SOX5: variants seen among roughly 807,000 people sequenced by gnomAD.
The protein encoded by SOX5 is SRY-box transcription factor 5, also known as transcription factor SOX-5.
In SOX5, 9 loss-of-function variants were observed where a neutral mutation model predicts 92.0. That is an observed-to-expected ratio of 0.10 (90% CI 0.06 to 0.17). SOX5 has a LOEUF of 0.17. Among genes scored for constraint, SOX5 ranks in the 10% least tolerant of loss-of-function variants. The pLI is 1.00. For missense variants in SOX5, 642 were observed against 944.5 expected (o/e 0.68, Z 4.20); for synonymous variants, 344 against 336.3 (o/e 1.02, Z -0.25).
chr12:23,821,362 A>G (rs1227627423), intron 3 of SOX5, among the ~76,000 whole-genome samples: 1 of 152,216 alleles, frequency 6.6e-6, no homozygotes, highest in African/African-American at 2.4e-5. Context: ...CAATCATGCA[A>G]TCTGCAAACA....
At chr12:23,815,172 C>T (rs188892928) in intron 3 of SOX5, among the ~76,000 whole-genome samples, 1 of 152,112 alleles carries the variant, frequency 6.6e-6, no homozygotes, top group East Asian at 1.9e-4. Flanking sequence ...GCATGCAGGT[C>T]AGTTACCAGC....
chr12:23,640,759 TG>T, intron 8 of SOX5, 52 bp downstream of exon 8: 1 of 1,260,934 alleles, frequency 7.9e-7, no homozygotes, highest in African/African-American at 1.5e-5. Flanking sequence ...CCATAATAGC[TG>T]TTTTCGATAT....
In SOX5 at chr12:23,651,550, T is replaced by C. The variant is rs1264467196; in HGVS notation, c.932-10653A>G. Among the ~76,000 whole-genome samples, 4 of 152,056 alleles carry C rather than the reference T, an allele frequency of 2.6e-5. No homozygotes were observed. The East Asian group carries it at 7.7e-4, about 29-fold the overall frequency. ...TACAATCCTTGCCTTCAAAACACTT[T>C]CAGTTATGAAAATAAGACATATAAA... On this transcript the variant is annotated intron_variant, in intron 7 of 14. Coordinates refer to ENST00000451604, the MANE Select transcript of SOX5 (RefSeq NM_006940.6).
intron 4 of SOX5, among the ~76,000 whole-genome samples, chr12:23,971,679 G>C: frequency 6.6e-6 from 1 of 151,938 alleles, no homozygotes; most frequent in Non-Finnish European, 1.5e-5. Context: ...ATTTTGAAGA[G>C]AATAATTCTC....
chr12:23,804,651 G>A lies in SOX5; in HGVS notation c.481+41332C>T, dbSNP rs145575108. 5.1e-3 allele frequency among the ~76,000 whole-genome samples: 779 copies of A among 151,592 alleles called. 10 individuals carry two copies. Among genetic ancestry groups the A allele is most frequent in the African/African-American group, 0.017 (722 of 41,302 alleles). On this transcript the variant is annotated intron_variant, in intron 3 of 14. Coordinates refer to ENST00000451604, the MANE Select transcript of SOX5 (RefSeq NM_006940.6). ...TTATTTATTATCTCTGATGGTACCC[G>A]ATGCATTTTAACCTCTATGCTCTTA...
intron 2 of SOX5, among the ~76,000 whole-genome samples, chr12:24,339,203 A>ACACG (rs1837197731): frequency 1.3e-5 from 2 of 151,414 alleles, no homozygotes; most frequent in South Asian, 4.2e-4. Flanking sequence ...ACACACACAC[A>ACACG]GAGTTACTGA....
chr12:23,618,806 T>C (rs1482993118), intron 8 of SOX5, among the ~76,000 whole-genome samples: 1 of 152,128 alleles, frequency 6.6e-6, no homozygotes, highest in Non-Finnish European at 1.5e-5. Context: ...GAAAACACTT[T>C]CCAGATAAAA....
At chr12:24,153,886 C>A (rs1951904401) in intron 4 of SOX5, among the ~76,000 whole-genome samples, 1 of 152,126 alleles carries the variant, frequency 6.6e-6, no homozygotes, top group Non-Finnish European at 1.5e-5. Flanking sequence ...ATCACGCACA[C>A]AGACAAACCC....
At chr12:24,315,286 T>A (rs1949593896) in intron 2 of SOX5, among the ~76,000 whole-genome samples, 1 of 152,216 alleles carries the variant, frequency 6.6e-6, no homozygotes, top group Non-Finnish European at 1.5e-5. Flanking sequence ...TGGGTAAGAA[T>A]GTTTTTTCTA....
At chr12:23,805,969 C>G (rs1448540657) in intron 3 of SOX5, among the ~76,000 whole-genome samples, 1 of 152,104 alleles carries the variant, frequency 6.6e-6, no homozygotes, top group East Asian at 1.9e-4. Context: ...AGAATACATA[C>G]TTAGGTTATA....
intron 4 of SOX5, among the ~76,000 whole-genome samples, chr12:23,752,857 G>C (rs1410639825): frequency 2.0e-5 from 3 of 151,846 alleles, no homozygotes; most frequent in East Asian, 1.9e-4. Context: ...CAGTCAAACT[G>C]TTTTGTTCTG....
intron 1 of SOX5, among the ~76,000 whole-genome samples, chr12:24,449,972 A>G (rs1298779240): frequency 6.6e-6 from 1 of 152,174 alleles, no homozygotes; most frequent in Non-Finnish European, 1.5e-5. Context: ...ACCTATCTTT[A>G]AGACCAAATC....
At chr12:23,645,850 A>C (rs566752324) in intron 7 of SOX5, among the ~76,000 whole-genome samples, 218 of 152,318 alleles carry the variant, frequency 1.4e-3, no homozygotes, top group Non-Finnish European at 2.0e-3. Context: ...AATACCTTGG[A>C]GATATTGTAA....
rs115925004 is a variant in SOX5 at position 23,629,575 on chromosome 12, T to C, written c.1017+11237A>G. Among the ~76,000 whole-genome samples, 828 of 152,144 alleles carry C rather than the reference T, an allele frequency of 5.4e-3. 9 individuals are homozygous for C. The highest frequency in any genetic ancestry group is 0.019 in the African/African-American group (780 of 41,558). On this transcript the variant is annotated intron_variant, in intron 8 of 14. Coordinates refer to ENST00000451604, the MANE Select transcript of SOX5 (RefSeq NM_006940.6). The stretch of plus-strand genomic sequence containing the variant: ...ATTTTAACCAGTGGAACTTAATATA[T>C]AAAACAAATAAAAGTCAATGGTACT...
intron 1 of SOX5, among the ~76,000 whole-genome samples, chr12:24,448,992 C>T (rs1393625951): frequency 6.6e-6 from 1 of 152,098 alleles, no homozygotes; most frequent in Admixed American, 6.6e-5. Flanking sequence ...CCCGCTACAC[C>T]CCGCTTCCAT....
At chr12:24,154,048 G>A (rs1177833567) in intron 4 of SOX5, among the ~76,000 whole-genome samples, 1 of 152,090 alleles carries the variant, frequency 6.6e-6, no homozygotes, top group Non-Finnish European at 1.5e-5. Context: ...ACCAGCGTCA[G>A]CACCACCTCC....
chr12:23,598,825 T>C (rs1592426798), intron 9 of SOX5, among the ~76,000 whole-genome samples: 1 of 152,198 alleles, frequency 6.6e-6, no homozygotes, highest in South Asian at 2.1e-4. Context: ...ATTCTGCCTT[T>C]TTCCCCACTT....
At chr12:24,264,232 T>TATTTAAGCAAA (rs1942685956) in intron 3 of SOX5, among the ~76,000 whole-genome samples, 1 of 152,224 alleles carries the variant, frequency 6.6e-6, no homozygotes, top group African/African-American at 2.4e-5. Flanking sequence ...GATAGATATC[T>TATTTAAGCAAA]TGGTATTTGC....
chr12:23,854,165 G>T (rs897190784), intron 2 of SOX5, among the ~76,000 whole-genome samples: 1 of 152,026 alleles, frequency 6.6e-6, no homozygotes, highest in African/African-American at 2.4e-5. Context: ...ATAGAAAATT[G>T]AGGAAATGAC....
Sources: allele counts gnomAD v4.1 joint callset (sites outside exome capture counted in the v4.1 genomes callset), GRCh38; gene constraint gnomAD v4.1.1; transcripts MANE v1.5; gene names NCBI Gene and HGNC (gene_info 2026-07-23, HGNC 2026-07-21).